SPMAP2L: variants seen among roughly 807,000 people sequenced by gnomAD.
SPMAP2L encodes sperm microtubule associated protein 2-like.
At chr4:56,595,756 G>C in the SPMAP2L span, 1 of 846,756 alleles carries the variant, frequency 1.2e-6, no homozygotes, top group South Asian at 1.3e-5. Context: ...CTGATTTGGT[G>C]CCTCTCCCCA....
chr4:56,621,790 A>G, the SPMAP2L span, among the ~76,000 whole-genome samples: 2 of 152,326 alleles, frequency 1.3e-5, no homozygotes, highest in South Asian at 4.1e-4. Flanking sequence ...TGTTTGTGTG[A>G]TTAATAAAAG....
the SPMAP2L span, among the ~76,000 whole-genome samples, chr4:56,588,912 T>A: frequency 6.6e-6 from 1 of 152,212 alleles, no homozygotes; most frequent in Non-Finnish European, 1.5e-5. Flanking sequence ...TTTGTTTGCT[T>A]TGTCAAAGAT....
the SPMAP2L span, among the ~76,000 whole-genome samples, chr4:56,554,997 T>C: frequency 2.0e-5 from 3 of 148,242 alleles, no homozygotes; most frequent in Admixed American, 7.0e-5. Flanking sequence ...TGGAGTGCAA[T>C]GGTGCAATCT....
At chr4:56,594,364 A>G in the SPMAP2L span, 1 of 1,552,716 alleles carries the variant, frequency 6.4e-7, no homozygotes, top group Non-Finnish European at 8.9e-7. Context: ...CTGAACTCGC[A>G]CCTATCACAT....
the SPMAP2L span, chr4:56,603,170 C>A: frequency 2.9e-6 from 4 of 1,399,344 alleles, no homozygotes; most frequent in Admixed American, 4.2e-5. Flanking sequence ...CTTCTCTGTT[C>A]ATCTTATTTC....
the SPMAP2L span, among the ~76,000 whole-genome samples, chr4:56,549,646 T>C: frequency 6.6e-6 from 1 of 152,232 alleles, no homozygotes; most frequent in South Asian, 2.1e-4. Context: ...AATCTGAAAA[T>C]CTAAAATCCC....
the SPMAP2L span, among the ~76,000 whole-genome samples, chr4:56,581,179 G>T: frequency 3.9e-5 from 6 of 152,090 alleles, no homozygotes; most frequent in South Asian, 2.1e-4. Flanking sequence ...ATTAGGCCAG[G>T]CATGGTGGCT....
chr4:56,624,614 G>C, the SPMAP2L span, among the ~76,000 whole-genome samples: 2 of 152,210 alleles, frequency 1.3e-5, no homozygotes, highest in Non-Finnish European at 2.9e-5. Context: ...ATCTGCTCCA[G>C]CCTTGGCTGA....
the SPMAP2L span, chr4:56,531,068 G>A: frequency 6.5e-7 from 1 of 1,535,446 alleles, no homozygotes; most frequent in Non-Finnish European, 8.7e-7. Flanking sequence ...CGCAAGTCCC[G>A]CGAGGCCAAG....
the SPMAP2L span, among the ~76,000 whole-genome samples, chr4:56,544,642 G>C: frequency 6.6e-6 from 1 of 151,734 alleles, no homozygotes; most frequent in African/African-American, 2.4e-5. Flanking sequence ...TTCAACTTGT[G>C]TCGCAGTTCG....
chr4:56,583,353 T>C, the SPMAP2L span, among the ~76,000 whole-genome samples: 1 of 152,010 alleles, frequency 6.6e-6, no homozygotes, highest in Middle Eastern at 3.4e-3. Flanking sequence ...AGACTGAAAG[T>C]AGATTAGTGG....
At chr4:56,573,878 C>A in the SPMAP2L span, among the ~76,000 whole-genome samples, 1 of 152,058 alleles carries the variant, frequency 6.6e-6, no homozygotes, top group Non-Finnish European at 1.5e-5. Context: ...TTGAGGCTTA[C>A]AAGACACCAG....
chr4:56,613,037 A>G, the SPMAP2L span, among the ~76,000 whole-genome samples: 1 of 152,038 alleles, frequency 6.6e-6, no homozygotes, highest in African/African-American at 2.4e-5. Flanking sequence ...AAGGGTCCCA[A>G]GCTGTCTTCA....
At chr4:56,546,190 CTG>C in the SPMAP2L span, among the ~76,000 whole-genome samples, 1 of 152,184 alleles carries the variant, frequency 6.6e-6, no homozygotes, top group Non-Finnish European at 1.5e-5. Context: ...GTTTTGGACA[CTG>C]TGCAGAGTGC....
the SPMAP2L span, among the ~76,000 whole-genome samples, chr4:56,544,113 C>G: frequency 6.6e-6 from 1 of 152,010 alleles, no homozygotes; most frequent in Admixed American, 6.6e-5. Context: ...CTCAGCCTCC[C>G]GAGTAGCTGG....
chr4:56,569,232 T>G, the SPMAP2L span, among the ~76,000 whole-genome samples: 1 of 152,232 alleles, frequency 6.6e-6, no homozygotes, highest in Non-Finnish European at 1.5e-5. Context: ...ACTGCTAGAC[T>G]GTTTTCCAAA....
chr4:56,607,466 A>G, the SPMAP2L span, among the ~76,000 whole-genome samples: 1 of 152,192 alleles, frequency 6.6e-6, no homozygotes, highest in Admixed American at 6.5e-5. Context: ...GAAAATTAGT[A>G]CCAGGAGTGG....
the SPMAP2L span, among the ~76,000 whole-genome samples, chr4:56,543,891 A>AGT: frequency 0.012 from 1,533 of 123,786 alleles, 21 homozygotes; most frequent in Non-Finnish European, 0.018. Flanking sequence ...AGAGAGAGAG[A>AGT]GAGAGTGTGT....
the SPMAP2L span, among the ~76,000 whole-genome samples, chr4:56,563,227 G>GGACT: frequency 6.7e-6 from 1 of 149,912 alleles, no homozygotes; most frequent in Admixed American, 6.7e-5. Context: ...CGAGAAGCTA[G>GGACT]GACTACAGGC....
Sources: allele counts gnomAD v4.1 joint callset (sites outside exome capture counted in the v4.1 genomes callset), GRCh38; gene constraint gnomAD v4.1.1; transcripts MANE v1.5; gene names NCBI Gene and HGNC (gene_info 2026-07-23, HGNC 2026-07-21).